Variants in HECTD4 observed in about 807,000 individuals in gnomAD.
HECTD4 encodes the protein HECT domain E3 ubiquitin protein ligase 4.
A neutral mutation model predicts 471.5 loss-of-function variants in HECTD4; 114 were observed. That is an observed-to-expected ratio of 0.24 (90% CI 0.21 to 0.28). The LOEUF (loss-of-function observed/expected upper bound fraction) is 0.28, where lower values mean the gene tolerates loss of function less well. Ranked by LOEUF, HECTD4 falls within the 10% of genes least tolerant of loss-of-function variation. The probability of loss-of-function intolerance (pLI) is 1.00; values close to 1 mark genes in which losing one functional copy is unlikely to be tolerated. For missense variants in HECTD4, 3,866 were observed against 5,651.5 expected, an observed-to-expected ratio of 0.68 and a Z score of 10.13; for synonymous variants, 2,012 against 2,256.0, an observed-to-expected ratio of 0.89 and a Z score of 3.07.
At chr12:112,336,735 G>C (rs931314860) in intron 1 of HECTD4, among the ~76,000 whole-genome samples, 7 of 152,018 alleles carry the variant, frequency 4.6e-5, no homozygotes, top group Non-Finnish European at 8.8e-5. Context: ...GAATAACATG[G>C]GAAAGAGAAA....
rs369966668 is a variant in HECTD4, at chr12:112,195,015, G to A, written c.8619C>T (p.Ala2873=). 1.5e-5 allele frequency: 24 copies of A among 1,610,272 alleles called. No individual in the cohort carries two copies. The highest frequency in any genetic ancestry group is 1.7e-5 in the Non-Finnish European group (20 of 1,178,498). Residue 2873 remains alanine, a synonymous_variant, in exon 56 of 76, where the codon GCC becomes GCT. Transcript: ENST00000682272. ...AALARLYCRM[A]LLNIFAPKLP... ...ACTTCGGGGCGAAGATATTGAGCAG[G>A]GCCATGCGGCAGTACAGCCTGGCCA...
intron 17 of HECTD4, among the ~76,000 whole-genome samples, chr12:112,263,707 TTATATA>T (rs534839272): frequency 3.6e-5 from 5 of 137,840 alleles, no homozygotes; most frequent in African/African-American, 5.8e-5. Flanking sequence ...CCCAAGATTT[TTATATA>T]TATATATATA....
chr12:112,224,556 G>A (rs112717923), intron 44 of HECTD4, among the ~76,000 whole-genome samples: 3 of 152,048 alleles, frequency 2.0e-5, no homozygotes, highest in East Asian at 1.9e-4. Context: ...ATGAGCCACC[G>A]CGCCCGGCCC....
At chr12:112,244,702 A>T (rs190251682) in intron 29 of HECTD4, among the ~76,000 whole-genome samples, 3 of 151,988 alleles carry the variant, frequency 2.0e-5, no homozygotes, top group African/African-American at 4.8e-5. Context: ...ATCCAAATCC[A>T]TTTTTTTCAG....
intron 29 of HECTD4, 73 bp downstream of exon 29, chr12:112,246,828 G>A (rs1593972534): frequency 4.5e-6 from 6 of 1,324,398 alleles, no homozygotes; most frequent in Non-Finnish European, 5.1e-6. Flanking sequence ...ATATAGCTGT[G>A]TGTCTTATAT....
chr12:112,324,044 TCC>T (rs1232948684), intron 1 of HECTD4, among the ~76,000 whole-genome samples: 1 of 59,868 alleles, frequency 1.7e-5, no homozygotes, highest in Non-Finnish European at 2.7e-5. Context: ...CTTCCTTCCT[TCC>T]TTTCTTTCTT....
At position 112,170,258 on chromosome 12, in the gene HECTD4, T is replaced by C. The variant is rs1260671394; in HGVS notation, c.12052+75A>G. The C allele has an allele frequency of 4.5e-6, 7 of 1,553,984 alleles. No individual in the cohort carries two copies. In the Admixed American group the frequency reaches 1.1e-4, roughly 25 times the overall value. The stretch of plus-strand genomic sequence containing the variant: ...CTGCACCAGCCCTGGACCCCCTTCT[T>C]TTATGTTCCAGAAATCCGCTAGTGT... On this transcript the variant is annotated intron_variant, in intron 69 of 75. Coordinates refer to ENST00000682272, the MANE Select transcript of HECTD4 (RefSeq NM_001388303.1).
intron 1 of HECTD4, among the ~76,000 whole-genome samples, chr12:112,370,173 G>A (rs1004882126): frequency 6.6e-6 from 1 of 152,110 alleles, no homozygotes; most frequent in South Asian, 2.1e-4. Flanking sequence ...CTCTGAAGAT[G>A]GAGGAAACAG....
In HECTD4 at chr12:112,167,405, T is replaced by C. The variant is rs1261535200; in HGVS notation, c.12446A>G (p.Lys4149Arg). 6.2e-7 allele frequency: 1 copy of C among 1,613,744 alleles called. No homozygotes were observed. The highest frequency in any genetic ancestry group is 8.5e-7 in the Non-Finnish European group (1 of 1,179,882). ...LPLDLLPSFW[K>R]TLVGEPLDPE... ...GTCCAAGGGCTCGCCCACCAGCGTC[T>C]TCCAGAAGGAGGGCAGGAGGTCCAG... The change falls in exon 72 of 76, where the codon AAG becomes AGG. Residue 4149 changes from lysine to arginine, a missense_variant. Coordinates refer to ENST00000682272, the MANE Select transcript of HECTD4 (RefSeq NM_001388303.1).
At chr12:112,175,517 A>G (rs1039150991) in intron 66 of HECTD4, among the ~76,000 whole-genome samples, 2 of 152,266 alleles carry the variant, frequency 1.3e-5, no homozygotes, top group African/African-American at 4.8e-5. Context: ...CAAGCTGACC[A>G]GCACAGTCTC....
At chr12:112,251,933 G>A (rs1359286326) in intron 23 of HECTD4, among the ~76,000 whole-genome samples, 1 of 151,992 alleles carries the variant, frequency 6.6e-6, no homozygotes, top group Non-Finnish European at 1.5e-5. Flanking sequence ...CACCACATCT[G>A]GCTAATTTTT....
chr12:112,305,847 G>T (rs1375289294), intron 7 of HECTD4, among the ~76,000 whole-genome samples: 2 of 152,090 alleles, frequency 1.3e-5, no homozygotes, highest in Admixed American at 1.3e-4. Context: ...GTTATCTCCA[G>T]TCATCAGATT....
intron 1 of HECTD4, among the ~76,000 whole-genome samples, chr12:112,331,272 T>C (rs891900584): frequency 3.3e-5 from 5 of 152,202 alleles, no homozygotes; most frequent in Admixed American, 2.6e-4. Context: ...GGTTTCACCA[T>C]GTTGGCCAGG....
chr12:112,269,318 A>G lies in HECTD4; in HGVS notation c.2321+386T>C, dbSNP rs968081571. Among the ~76,000 whole-genome samples the G allele has an allele frequency of 5.3e-5, 8 of 152,270 alleles. No individual in the cohort carries two copies. In the South Asian group the frequency reaches 1.7e-3, roughly 32 times the overall value. On this transcript the variant is annotated intron_variant, in intron 13 of 75. Coordinates refer to ENST00000682272, the MANE Select transcript of HECTD4 (RefSeq NM_001388303.1). ...TACAGCTAAGGAAATGCGAACCTTA[A>G]ACCAAGGTCACACTAGTGAGTGGCA...
intron 7 of HECTD4, among the ~76,000 whole-genome samples, chr12:112,304,556 G>C (rs991532626): frequency 2.0e-5 from 3 of 151,912 alleles, no homozygotes; most frequent in African/African-American, 7.3e-5. Flanking sequence ...AAACTCCTGG[G>C]CTCAAGAGAT....
intron 32 of HECTD4, among the ~76,000 whole-genome samples, chr12:112,241,531 A>C (rs1487713177): frequency 6.6e-6 from 1 of 152,148 alleles, no homozygotes; most frequent in Non-Finnish European, 1.5e-5. Context: ...GTGCGATCAC[A>C]GCTTACTGCA....
chr12:112,286,752 G>C (rs1225220851), intron 7 of HECTD4, among the ~76,000 whole-genome samples: 1 of 152,084 alleles, frequency 6.6e-6, no homozygotes, highest in African/African-American at 2.4e-5. Flanking sequence ...ACCCTGCAGT[G>C]GTTTTCCAAC....
chr12:112,287,145 G>A (rs1173073839), intron 7 of HECTD4, among the ~76,000 whole-genome samples: 2 of 152,140 alleles, frequency 1.3e-5, no homozygotes, highest in African/African-American at 4.8e-5. Context: ...TGCCCCGCAA[G>A]CTAAAGGAGC....
chr12:112,171,185 G>A lies in HECTD4; in HGVS notation c.11864C>T (p.Pro3955Leu), dbSNP rs1024409107. The change falls in exon 68 of 76, where the codon CCC becomes CTC. Residue 3955 changes from proline to leucine, a missense_variant. Around this residue, in one of 16 missense-constraint regions of HECTD4, gnomAD observed 715 missense variants for 1,087.6 expected, o/e 0.66. Transcript: ENST00000682272. ...GGGTGTCTGGCGCAGCTCCACCAGG[G>A]GCAGGAAGAAGGTCTCCAGTGTGGT... The part of the protein sequence containing the change: ...LNTTLETFFL[P>L]LVELRQTPMY... 6.2e-7 allele frequency: 1 copy of A among 1,613,340 alleles called. No individual in the cohort carries two copies. Among genetic ancestry groups the A allele is most frequent in the Non-Finnish European group, 8.5e-7 (1 of 1,179,736 alleles).
Sources: gnomAD v4.1 joint callset for allele counts (sites outside exome capture counted in the v4.1 genomes callset) on GRCh38, gnomAD v4.1.1 for gene constraint, gnomAD v4.1.1 regional missense constraint, MANE v1.5 for transcripts, NCBI Gene and HGNC (gene_info 2026-07-23, HGNC 2026-07-21) for gene names.